The following ZNF521 variants were observed in gnomAD, a reference collection of about 807,000 sequenced individuals.
ZNF521 encodes zinc finger protein 521, also known as LYST-interacting protein 3.
Under a neutral mutation model 105.5 loss-of-function variants are expected in ZNF521, and 14 were observed. The ratio of observed to expected loss-of-function variants is 0.13; its 90% CI spans 0.09 to 0.21. The LOEUF is 0.21. Ranked by LOEUF, ZNF521 falls within the 10% of genes least tolerant of loss-of-function variation. The pLI, the probability that ZNF521 is intolerant of heterozygous loss-of-function variation, is 1.00. For missense variants in ZNF521, 1,233 were observed against 1,629.7 expected, an observed-to-expected ratio of 0.76 and a Z score of 4.19; for synonymous variants, 635 against 606.0, an observed-to-expected ratio of 1.05 and a Z score of -0.70.
Position 25,113,567 on chromosome 18 carries a change from G to T in ZNF521, c.3659-21486C>A, listed in dbSNP as rs148355718. Among the ~76,000 whole-genome samples, 524 of 152,188 alleles carry T rather than the reference G, an allele frequency of 3.4e-3. 4 individuals are homozygous for T. The highest frequency in any genetic ancestry group is 5.3e-3 in the Non-Finnish European group (362 of 68,018). On this transcript the variant is annotated intron_variant, in intron 5 of 7. Transcript: ENST00000361524. The stretch of plus-strand genomic sequence containing the variant: ...TTGGTGATTTACTACAAGACAATCT[G>T]CTGTGAAGTAAATTTAGAGAGGGAG...
At chr18:25,251,582 C>T (rs888855095) in intron 3 of ZNF521, among the ~76,000 whole-genome samples, 6 of 152,188 alleles carry the variant, frequency 3.9e-5, no homozygotes, top group African/African-American at 1.4e-4. Context: ...TTTGCTCAAA[C>T]TCAATCATCC....
At chr18:25,110,541 CG>C (rs1295043855) in intron 5 of ZNF521, among the ~76,000 whole-genome samples, 8 of 152,078 alleles carry the variant, frequency 5.3e-5, no homozygotes, top group African/African-American at 1.9e-4. Flanking sequence ...CACCCATGAA[CG>C]AGGTAGAAGC....
chr18:25,129,569 T>C (rs989506899), intron 5 of ZNF521, among the ~76,000 whole-genome samples: 1 of 151,882 alleles, frequency 6.6e-6, no homozygotes, highest in Non-Finnish European at 1.5e-5. Context: ...AGAGAATATA[T>C]TTGCAAACAC....
At chr18:25,125,433 C>A (rs1266256338) in intron 5 of ZNF521, among the ~76,000 whole-genome samples, 2 of 152,044 alleles carry the variant, frequency 1.3e-5, no homozygotes, top group Admixed American at 1.3e-4. Context: ...TCAAGACATA[C>A]CTCATGTTCA....
chr18:25,080,616 T>G (rs1314848110), intron 7 of ZNF521, among the ~76,000 whole-genome samples: 5 of 152,240 alleles, frequency 3.3e-5, no homozygotes, highest in African/African-American at 1.2e-4. Flanking sequence ...TTCACCCGGC[T>G]GTCCGAGGGA....
intron 2 of ZNF521, among the ~76,000 whole-genome samples, chr18:25,331,997 G>C (rs1245591849): frequency 6.7e-6 from 1 of 148,710 alleles, no homozygotes; most frequent in African/African-American, 2.5e-5. Flanking sequence ...AAAATTAATC[G>C]AAACATTTTG....
chr18:25,344,414 A>G (rs1206791051), intron 2 of ZNF521, among the ~76,000 whole-genome samples: 1 of 152,254 alleles, frequency 6.6e-6, no homozygotes, highest in East Asian at 1.9e-4. Context: ...GTTGCAGAAC[A>G]TATTTTAAAT....
chr18:25,085,590 G>A (rs1458413358), intron 7 of ZNF521, among the ~76,000 whole-genome samples: 1 of 151,584 alleles, frequency 6.6e-6, no homozygotes, highest in African/African-American at 2.4e-5. Context: ...TACATACATA[G>A]TGTATGTACA....
At chr18:25,120,445 G>A (rs1379599892) in intron 5 of ZNF521, among the ~76,000 whole-genome samples, 2 of 152,208 alleles carry the variant, frequency 1.3e-5, no homozygotes, top group South Asian at 2.1e-4. Flanking sequence ...TTAGCTGGGT[G>A]TGGTGGCATG....
chr18:25,118,891 TTAACAA>T (rs1193088729), intron 5 of ZNF521, among the ~76,000 whole-genome samples: 2 of 152,006 alleles, frequency 1.3e-5, no homozygotes, highest in Admixed American at 6.6e-5. Flanking sequence ...GAGATACACA[TTAACAA>T]TAAAGAGAAG....
At chr18:25,065,648 A>G (rs945658809) in intron 7 of ZNF521, among the ~76,000 whole-genome samples, 1 of 152,052 alleles carries the variant, frequency 6.6e-6, no homozygotes, top group African/African-American at 2.4e-5. Context: ...AAAAAAAAAA[A>G]CAGTTTAATT....
intron 5 of ZNF521, among the ~76,000 whole-genome samples, chr18:25,117,313 C>T (rs1030751199): frequency 4.6e-4 from 70 of 151,836 alleles, no homozygotes; most frequent in African/African-American, 1.6e-3. Context: ...AATAGAGGTA[C>T]CTGTCTGCTA....
intron 3 of ZNF521, among the ~76,000 whole-genome samples, chr18:25,280,421 T>TAA (rs113409808): frequency 6.8e-4 from 98 of 143,328 alleles, no homozygotes; most frequent in Middle Eastern, 3.7e-3. Flanking sequence ...TGTAAAAAAT[T>TAA]AAAAAAAAAA....
chr18:25,178,276 AC>A (rs1276697720), intron 5 of ZNF521, among the ~76,000 whole-genome samples: 1 of 152,238 alleles, frequency 6.6e-6, no homozygotes, highest in Non-Finnish European at 1.5e-5. Context: ...CCCATTTCTA[AC>A]AATAATTAGA....
At chr18:25,179,298 T>C (rs762747332) in intron 5 of ZNF521, among the ~76,000 whole-genome samples, 9 of 151,582 alleles carry the variant, frequency 5.9e-5, no homozygotes, top group Non-Finnish European at 1.2e-4. Flanking sequence ...GGATTACACA[T>C]GCCACCACAT....
intron 3 of ZNF521, among the ~76,000 whole-genome samples, chr18:25,240,990 A>G (rs1424497240): frequency 6.6e-6 from 1 of 151,838 alleles, no homozygotes; most frequent in Non-Finnish European, 1.5e-5. Context: ...GCAATACTGA[A>G]CACTCCAATC....
chr18:25,100,067 G>A (rs1158561719), intron 5 of ZNF521, among the ~76,000 whole-genome samples: 1 of 151,892 alleles, frequency 6.6e-6, no homozygotes, highest in African/African-American at 2.4e-5. Flanking sequence ...GCAAGGGTCA[G>A]GGCCTTTTCT....
At chr18:25,269,647 T>C (rs554020333) in intron 3 of ZNF521, among the ~76,000 whole-genome samples, 24 of 152,116 alleles carry the variant, frequency 1.6e-4, no homozygotes, top group Admixed American at 5.2e-4. Flanking sequence ...CACTCAAAAC[T>C]GCACAACTAC....
Position 25,181,793 on chromosome 18 carries a change from G to A in ZNF521, c.3658+13367C>T, listed in dbSNP as rs139411056. ...CAGACTAATTATAGACACTGGTACC[G>A]AAAAAGGAAGGCTGACCCTGCAGTC... On this transcript the variant is annotated intron_variant, in intron 5 of 7. Coordinates refer to ENST00000361524, the MANE Select transcript of ZNF521 (RefSeq NM_015461.3). Among the ~76,000 whole-genome samples, 742 of 152,238 alleles carry A rather than the reference G, an allele frequency of 4.9e-3. 6 individuals carry two copies. The highest frequency in any genetic ancestry group is 0.017 in the African/African-American group (701 of 41,556).
Sources: gnomAD v4.1 joint callset for allele counts (sites outside exome capture counted in the v4.1 genomes callset) on GRCh38, gnomAD v4.1.1 for gene constraint, MANE v1.5 for transcripts, NCBI Gene and HGNC (gene_info 2026-07-23, HGNC 2026-07-21) for gene names.